The following ABCC12 variants were observed in gnomAD, a reference collection of about 807,000 sequenced individuals.
The protein encoded by ABCC12 is ATP binding cassette subfamily C member 12.
ABCC12 carries 142 observed loss-of-function variants against 151.1 expected under a neutral mutation model. The observed-to-expected ratio is 0.94, with a 90% CI of 0.82 to 1.08. ABCC12 has a LOEUF of 1.08. Ranked by LOEUF, ABCC12 falls within the 50% of genes least tolerant of loss-of-function variation. The pLI is 0.00. For synonymous variants in ABCC12, 645 were observed against 646.4 expected, an observed-to-expected ratio of 1.00 and a Z score of 0.03; for missense variants, 1,638 against 1,691.1, an observed-to-expected ratio of 0.97 and a Z score of 0.55.
At chr16:48,143,202 C>G (rs1203740404) in intron 4 of ABCC12, among the ~76,000 whole-genome samples, 2 of 152,134 alleles carry the variant, frequency 1.3e-5, no homozygotes, top group Non-Finnish European at 2.9e-5. Flanking sequence ...TGGGGTCTGA[C>G]CAGCACAGGG....
intron 8 of ABCC12, among the ~76,000 whole-genome samples, chr16:48,135,660 T>G (rs985901663): frequency 6.6e-6 from 1 of 152,162 alleles, no homozygotes; most frequent in Admixed American, 6.5e-5. Flanking sequence ...CTGAGACATC[T>G]CCCTATTTTT....
At position 48,142,853 on chromosome 16, in the gene ABCC12, T is replaced by TA. The variant is rs1231485960; in HGVS notation, c.275+1056dup. 2.6e-5 allele frequency among the ~76,000 whole-genome samples: 4 copies of TA among 152,144 alleles called. No homozygotes were observed. In the South Asian group the frequency reaches 8.3e-4, roughly 32 times the overall value. ...TAAAACATGATCTGTGAGTGGGGGGTAAGAAGAGGTACTGATCTGAAGAAG... is the reference window on the plus strand; with the variant it reads ...TAAAACATGATCTGTGAGTGGGGGGTAAAGAAGAGGTACTGATCTGAAGAAG... On this transcript the variant is annotated intron_variant, in intron 4 of 30. Transcript: ENST00000311303.
At chr16:48,085,519 C>T in intron 29 of ABCC12, 74 bp downstream of exon 29, 1 of 1,283,972 alleles carries the variant, frequency 7.8e-7, no homozygotes, top group Non-Finnish European at 1.1e-6. Flanking sequence ...ATACACGTGG[C>T]TCTGCCTCCT....
At chr16:48,090,512 G>GA (rs1962835256) in intron 25 of ABCC12, among the ~76,000 whole-genome samples, 1 of 148,950 alleles carries the variant, frequency 6.7e-6, no homozygotes, top group African/African-American at 2.5e-5. Context: ...CAAAAGTGTT[G>GA]AGATTACAGG....
chr16:48,082,585 G>T lies in ABCC12; in HGVS notation c.*1130C>A, dbSNP rs1962388108. 6.6e-6 allele frequency among the ~76,000 whole-genome samples: 1 copy of T among 152,202 alleles called. No individual in the cohort carries two copies. Among genetic ancestry groups the T allele is most frequent in the African/African-American group, 2.4e-5 (1 of 41,448 alleles). Reference sequence around the variant, plus strand: ...CAGGCACTCCTTCCTCCACGTCTGGGGAAGCAAGTACGTGACCAACACTTA... The same window carrying T: ...CAGGCACTCCTTCCTCCACGTCTGGTGAAGCAAGTACGTGACCAACACTTA... On this transcript the variant is annotated 3_prime_UTR_variant, in exon 31 of 31. Transcript: ENST00000311303.
In ABCC12 at chr16:48,130,938, C is replaced by G. The variant is rs41280925; in HGVS notation, c.1129-43G>C. 1,992 of 1,421,592 alleles carry G rather than the reference C, an allele frequency of 1.4e-3. 4 individuals are homozygous for G. The highest frequency in any genetic ancestry group is 1.8e-3 in the Non-Finnish European group (1,787 of 1,014,288). The allele number at this position is 1,421,592 out of a possible 1,614,324, so 88.1% of individuals were successfully genotyped here. On this transcript the variant is annotated intron_variant, in intron 9 of 30. Transcript: ENST00000311303. ...AGTATGAGGGTTTAGAAGGAGAAGTCACGTTGGCTCTAAACCGTTATACAC... is the reference window on the plus strand; with the variant it reads ...AGTATGAGGGTTTAGAAGGAGAAGTGACGTTGGCTCTAAACCGTTATACAC...
chr16:48,152,898 T>A (rs567114875), intron 2 of ABCC12, among the ~76,000 whole-genome samples: 26 of 152,212 alleles, frequency 1.7e-4, no homozygotes, highest in Non-Finnish European at 3.2e-4. Context: ...ACAGAAGAGA[T>A]GTGACAGCTA....
chr16:48,107,181 A>AT (rs949983810), intron 20 of ABCC12, 141 bp downstream of exon 20: 2 of 806,060 alleles, frequency 2.5e-6, no homozygotes, highest in African/African-American at 3.4e-5. Flanking sequence ...TGGTGTAAGC[A>AT]TCTGACTCCC....
intron 27 of ABCC12, chr16:48,087,723 A>T (rs1370473339): frequency 1.9e-6 from 1 of 536,044 alleles, no homozygotes; most frequent in Non-Finnish European, 3.3e-6. Context: ...AAACACAAGT[A>T]ATGCTCAGAC....
intron 25 of ABCC12, among the ~76,000 whole-genome samples, chr16:48,089,650 C>T (rs765220641): frequency 4.6e-5 from 7 of 152,118 alleles, no homozygotes; most frequent in Non-Finnish European, 1.0e-4. Context: ...GAGAAAATAC[C>T]TGTATTGTTA....
intron 11 of ABCC12, among the ~76,000 whole-genome samples, chr16:48,125,985 G>A (rs542306828): frequency 3.3e-5 from 5 of 151,994 alleles, no homozygotes; most frequent in Non-Finnish European, 4.4e-5. Context: ...TTGCCTTCTC[G>A]CCACTCTCCC....
chr16:48,103,157 C>T (rs968414577), intron 22 of ABCC12, among the ~76,000 whole-genome samples: 1 of 152,180 alleles, frequency 6.6e-6, no homozygotes, highest in Non-Finnish European at 1.5e-5. Flanking sequence ...GGTTTGTGGG[C>T]TGAATATTTT....
At chr16:48,105,359 C>A (rs1231813633) in intron 20 of ABCC12, 23 bp from the exon 21 acceptor site, 37 of 1,579,682 alleles carry the variant, frequency 2.3e-5, no homozygotes, top group Non-Finnish European at 2.8e-5. Context: ...ACAAGAGAAG[C>A]ACCAAGAATT....
At chr16:48,099,185 A>G (rs1381896208) in intron 23 of ABCC12, among the ~76,000 whole-genome samples, 1 of 152,138 alleles carries the variant, frequency 6.6e-6, no homozygotes, top group Non-Finnish European at 1.5e-5. Flanking sequence ...TTGGAGGCCA[A>G]GGCAGGTGGA....
chr16:48,088,441 T>C (rs1163349276), intron 26 of ABCC12, 104 bp downstream of exon 26: 1 of 1,317,486 alleles, frequency 7.6e-7, no homozygotes, highest in African/African-American at 1.5e-5. Flanking sequence ...TAACAGCCAA[T>C]CTGACACACA....
chr16:48,149,136 G>A (rs1467377531), intron 2 of ABCC12, among the ~76,000 whole-genome samples: 1 of 148,636 alleles, frequency 6.7e-6, no homozygotes, highest in Non-Finnish European at 1.5e-5. Context: ...AACAAATAAA[G>A]TATAAATTAT....
At chr16:48,132,090 G>A (rs997368476) in intron 9 of ABCC12, among the ~76,000 whole-genome samples, 1 of 152,204 alleles carries the variant, frequency 6.6e-6, no homozygotes, top group Admixed American at 6.5e-5. Flanking sequence ...TATCATGTTG[G>A]AAAATATGAA....
chr16:48,134,058 T>G lies in ABCC12; in HGVS notation c.980-223A>C, dbSNP rs79534104. On this transcript the variant is annotated intron_variant, in intron 8 of 30. Transcript: ENST00000311303. ...TAAGTGGATGGTGTCCAACTTCCCTTCCAGCCCTGACACTCTGTGTGTCAG... is the reference window on the plus strand; with the variant it reads ...TAAGTGGATGGTGTCCAACTTCCCTGCCAGCCCTGACACTCTGTGTGTCAG... Among the ~76,000 whole-genome samples the G allele has an allele frequency of 2.3e-3, 354 of 152,184 alleles. 9 individuals carry two copies. The East Asian group carries it at 0.048, about 21-fold the overall frequency.
intron 18 of ABCC12, among the ~76,000 whole-genome samples, chr16:48,109,156 C>A (rs143341419): frequency 6.6e-6 from 1 of 152,126 alleles, no homozygotes; most frequent in African/African-American, 2.4e-5. Flanking sequence ...GGGGGCTGGG[C>A]ATGCTGAAGT....
Sources: gnomAD v4.1 joint callset for allele counts (sites outside exome capture counted in the v4.1 genomes callset) on GRCh38, gnomAD v4.1.1 for gene constraint, MANE v1.5 for transcripts, NCBI Gene and HGNC (gene_info 2026-07-23, HGNC 2026-07-21) for gene names.